The following ATAT1 variants were observed in gnomAD, a reference collection of about 807,000 sequenced individuals.
ATAT1 encodes alpha-tubulin N-acetyltransferase 1.
In ATAT1, 42 loss-of-function variants were observed where a neutral mutation model predicts 57.2. The observed-to-expected ratio is 0.73, with a 90% CI of 0.57 to 0.95. The LOEUF (loss-of-function observed/expected upper bound fraction) is 0.95, where lower values mean the gene tolerates loss of function less well. Ranked by LOEUF, ATAT1 falls within the 40% of genes least tolerant of loss-of-function variation. The pLI is 0.00. For missense variants in ATAT1, 454 were observed against 523.7 expected, an observed-to-expected ratio of 0.87 and a Z score of 1.30; for synonymous variants, 168 against 187.1, an observed-to-expected ratio of 0.90 and a Z score of 0.83.
intron 6 of ATAT1, among the ~76,000 whole-genome samples, chr6:30,629,244 C>CTTT (rs111725584): frequency 2.2e-5 from 3 of 137,338 alleles, no homozygotes; most frequent in East Asian, 2.1e-4. Flanking sequence ...CCTAATTTTT[C>CTTT]TTTTTTTTTT....
intron 6 of ATAT1, among the ~76,000 whole-genome samples, chr6:30,628,664 G>A (rs1762183331): frequency 6.6e-6 from 1 of 151,832 alleles, no homozygotes; most frequent in Admixed American, 6.6e-5. Flanking sequence ...GAGTACAGTG[G>A]CGCAATCTCA....
chr6:30,626,973 G>A lies in ATAT1; in HGVS notation c.-231G>A, dbSNP rs1761789729. 1 of 1,602,676 alleles carries A rather than the reference G, an allele frequency of 6.2e-7. No homozygotes were observed. The highest frequency in any genetic ancestry group is 8.5e-7 in the Non-Finnish European group (1 of 1,174,954). On this transcript the variant is annotated 5_prime_UTR_variant, in exon 1 of 13. Transcript: ENST00000330083. ...CCTGAGGCCCCCAGCCCGCCGACCC[G>A]GAACCACAACGCCGGCCCGGTGACA...
At chr6:30,631,764 G>A (rs1762928087) in intron 6 of ATAT1, among the ~76,000 whole-genome samples, 1 of 151,924 alleles carries the variant, frequency 6.6e-6, no homozygotes, top group Non-Finnish European at 1.5e-5. Flanking sequence ...GGGTAACAAC[G>A]TGAGACTGTC....
Position 30,640,416 on chromosome 6 carries a change from C to G in ATAT1, c.541C>G (p.Gln181Glu). ...GATCTTTGAAGGCTTCTTTGCCCAT[C>G]AACATCGTAAGTTTTTGCATTTTGT... Residue 181 changes from glutamine (Q) to glutamate (E), a missense_variant, in exon 7 of 13, where the codon CAA becomes GAA. By Grantham distance (29) the Gln-to-Glu change is conservative. Around this residue, in one of 3 missense-constraint regions of ATAT1, gnomAD observed 236 missense variants for 284.5 expected, o/e 0.83. Coordinates refer to ENST00000330083, the MANE Select transcript of ATAT1 (RefSeq NM_001031722.4). The G allele has an allele frequency of 1.2e-6, 2 of 1,613,020 alleles. No individual in the cohort carries two copies. Among genetic ancestry groups the G allele is most frequent in the South Asian group, 1.1e-5 (1 of 91,078 alleles).
intron 6 of ATAT1, among the ~76,000 whole-genome samples, chr6:30,636,547 C>G (rs531162635): frequency 1.6e-3 from 239 of 152,074 alleles, no homozygotes; most frequent in African/African-American, 5.2e-3. Flanking sequence ...GATCATGCCA[C>G]TGCACTCCAG....
intron 6 of ATAT1, 30 bp from the exon 7 acceptor site, chr6:30,640,347 T>A (rs1215015121): frequency 6.2e-7 from 1 of 1,611,126 alleles, no homozygotes. Context: ...AAGTGATGCA[T>A]GATTGTATTT....
chr6:30,643,201 G>C, intron 10 of ATAT1, 190 bp downstream of exon 10: 1 of 1,439,928 alleles, frequency 6.9e-7, no homozygotes, highest in Non-Finnish European at 9.1e-7. Context: ...GAGCAGAATA[G>C]GACCTTATAT....
intron 6 of ATAT1, among the ~76,000 whole-genome samples, chr6:30,630,920 G>A (rs1018253577): frequency 4.0e-5 from 6 of 150,638 alleles, no homozygotes; most frequent in African/African-American, 9.8e-5. Context: ...CCTGGGGGAC[G>A]AAGCGAGACT....
intron 10 of ATAT1, chr6:30,643,703 T>TA (rs1213256106): frequency 5.4e-6 from 8 of 1,469,224 alleles, no homozygotes; most frequent in Admixed American, 4.6e-5. Flanking sequence ...TCTACTTTCT[T>TA]AGACAGCAGG....
chr6:30,630,915 G>A (rs751434582), intron 6 of ATAT1, among the ~76,000 whole-genome samples: 6 of 151,864 alleles, frequency 4.0e-5, no homozygotes, highest in Non-Finnish European at 8.8e-5. Flanking sequence ...TCCACCCTGG[G>A]GGACGAAGCG....
chr6:30,635,851 A>AGTAG (rs1290342445), intron 6 of ATAT1, among the ~76,000 whole-genome samples: 1 of 152,132 alleles, frequency 6.6e-6, no homozygotes, highest in Non-Finnish European at 1.5e-5. Flanking sequence ...AGAATAAGCT[A>AGTAG]CTCTTTTAAA....
Position 30,645,945 on chromosome 6 carries a change from G to T in ATAT1, c.983G>T (p.Gly328Val), listed in dbSNP as rs1466007862. 1.9e-6 allele frequency: 3 copies of T among 1,538,832 alleles called. No individual in the cohort carries two copies. The highest frequency in any genetic ancestry group is 2.0e-5 in the Admixed American group (1 of 49,424). ...CAAAGCTGCTGCTACAGCCGCCATG[G>T]GGGGGTGAATTCCTCATCCCCCAAT... The change falls in exon 11 of 13, where the codon GGG becomes GTG. Residue 328 changes from glycine to valine, a missense_variant. Around this residue, in one of 3 missense-constraint regions of ATAT1, gnomAD observed 216 missense variants for 222.2 expected, o/e 0.97. Coordinates refer to ENST00000330083, the MANE Select transcript of ATAT1 (RefSeq NM_001031722.4).
At position 30,642,253 on chromosome 6, in the gene ATAT1, AG is replaced by A; in HGVS notation, c.688+10del. On this transcript the variant is annotated splice_region_variant and intron_variant, in intron 9 of 12. Coordinates refer to ENST00000330083, the MANE Select transcript of ATAT1 (RefSeq NM_001031722.4). ...CTCCTCTAGTGACCGAGAATGTAAGAGGGGCAAGGGTCGGGTGTCTGGGCCT... is the reference window on the plus strand; with the variant it reads ...CTCCTCTAGTGACCGAGAATGTAAGAGGGCAAGGGTCGGGTGTCTGGGCCT... 6.2e-7 allele frequency: 1 copy of A among 1,614,022 alleles called. No homozygotes were observed. Among genetic ancestry groups the A allele is most frequent in the Non-Finnish European group, 8.5e-7 (1 of 1,179,984 alleles).
Position 30,626,919 on chromosome 6 carries a change from C to T in ATAT1, c.-285C>T. On this transcript the variant is annotated 5_prime_UTR_variant, in exon 1 of 13. Coordinates refer to ENST00000330083, the MANE Select transcript of ATAT1 (RefSeq NM_001031722.4). ...CCCGTTCGATGTGGACGCGCTGTTCCCGGAGCGGATCACGGTGCTGGACCA... is the reference window on the plus strand; with the variant it reads ...CCCGTTCGATGTGGACGCGCTGTTCTCGGAGCGGATCACGGTGCTGGACCA... The T allele has an allele frequency of 6.2e-7, 1 of 1,609,478 alleles. No homozygotes were observed. The highest frequency in any genetic ancestry group is 8.5e-7 in the Non-Finnish European group (1 of 1,178,724).
In ATAT1 at chr6:30,626,924, G is replaced by T; in HGVS notation, c.-280G>T. On this transcript the variant is annotated 5_prime_UTR_variant, in exon 1 of 13. Transcript: ENST00000330083. ...TCGATGTGGACGCGCTGTTCCCGGA[G>T]CGGATCACGGTGCTGGACCAGCACC... is the stretch of plus-strand genomic sequence containing the variant. 6.2e-7 allele frequency: 1 copy of T among 1,609,622 alleles called. No individual in the cohort carries two copies. Among genetic ancestry groups the T allele is most frequent in the Non-Finnish European group, 8.5e-7 (1 of 1,178,750 alleles).
rs114036593 is a variant in ATAT1, at chr6:30,630,105, C to G, written c.501+1675C>G. ...TTCTGGGCACTAGGAATGGTTTACT[C>G]AATGAAACAGACAACAGCCTGGGCA... On this transcript the variant is annotated intron_variant, in intron 6 of 12. Transcript: ENST00000330083. Among the ~76,000 whole-genome samples the G allele has an allele frequency of 1.2e-3, 188 of 152,098 alleles. 1 individual carries two copies. The highest frequency in any genetic ancestry group is 0.012 in the Admixed American group (179 of 15,252).
rs773412881 is a variant in ATAT1 at position 30,646,109 on chromosome 6, G to A, written c.1055G>A (p.Arg352Lys). 1 of 1,608,300 alleles carries A rather than the reference G, an allele frequency of 6.2e-7. No homozygotes were observed. Among genetic ancestry groups the A allele is most frequent in the South Asian group, 1.1e-5 (1 of 89,880 alleles). ...CAGGGAGAACAGGAAACAAAGAATAGGTGAGGTCTAAACCCCTCCCCTAAC... is the reference window on the plus strand; with the variant it reads ...CAGGGAGAACAGGAAACAAAGAATAAGTGAGGTCTAAACCCCTCCCCTAAC... The change falls in exon 12 of 13, where the codon AGG becomes AAG. Residue 352 changes from arginine to lysine, a missense_variant and splice_region_variant. This residue lies in a region of ATAT1 where 216 missense variants were observed against 222.2 expected (regional missense o/e 0.97). Transcript: ENST00000330083.
At chr6:30,643,401 CAG>C in intron 10 of ATAT1, 2 of 1,484,090 alleles carry the variant, frequency 1.3e-6, no homozygotes, top group Non-Finnish European at 1.8e-6. Context: ...TCCATCGCAG[CAG>C]GCAGGGAGTG....
Position 30,638,575 on chromosome 6 carries a change from GTT to G in ATAT1, c.502-1787_502-1786del, listed in dbSNP as rs1236891609. ...GTGATCCACCACGCCTGGCCCCCGA[GTT>G]TTTTTTTTTTTTTTGAGACGGAGTC... On this transcript the variant is annotated intron_variant, in intron 6 of 12. Transcript: ENST00000330083. 3.6e-5 allele frequency among the ~76,000 whole-genome samples: 5 copies of G among 140,320 alleles called. No individual in the cohort carries two copies. In the East Asian group the frequency reaches 8.3e-4, roughly 23 times the overall value. 92.1% of individuals were successfully genotyped at this position (140,320 alleles called of 152,430 possible). A position where few individuals can be genotyped will look rare whatever the true frequency, so the allele number is the denominator to read the frequency against.
Sources: allele counts gnomAD v4.1 joint callset (sites outside exome capture counted in the v4.1 genomes callset), GRCh38; gene constraint gnomAD v4.1.1; regional missense constraint gnomAD v4.1.1; transcripts MANE v1.5; gene names NCBI Gene and HGNC (gene_info 2026-07-23, HGNC 2026-07-21).